PLAGL1: variants seen among roughly 807,000 people sequenced by gnomAD.
PLAGL1 encodes the protein zinc finger protein PLAGL1.
PLAGL1 carries 1 observed loss-of-function variant against 4.6 expected under a neutral mutation model. The ratio of observed to expected loss-of-function variants is 0.22; its 90% CI spans 0.08 to 1.03. The LOEUF is 1.03. Among genes scored for constraint, PLAGL1 ranks in the 50% least tolerant of loss-of-function variants. The pLI, the probability that PLAGL1 is intolerant of heterozygous loss-of-function variation, is 0.58. For synonymous variants in PLAGL1, 240 were observed against 237.8 expected (o/e 1.01, Z -0.08); for missense variants, 464 against 570.4 (o/e 0.81, Z 1.90).
rs1000631647 is a variant in PLAGL1 at position 143,955,605 on chromosome 6, C to T, written c.-325+4864G>A. On this transcript the variant is annotated intron_variant, in intron 6 of 7. Transcript: ENST00000674357. The surrounding 1 kb of genome is among the most constrained non-coding windows in gnomAD (Gnocchi z 4.9). ...TGTGATTGTGAGCCTCAAAGGGCCA[C>T]AGAAAACTGACAAAACCAAACTACC... 1.3e-5 allele frequency among the ~76,000 whole-genome samples: 2 copies of T among 152,068 alleles called. No homozygotes were observed. The highest frequency in any genetic ancestry group is 4.8e-5 in the African/African-American group (2 of 41,388).
In PLAGL1 at chr6:143,997,001, C is replaced by T. The variant is rs1411125789; in HGVS notation, c.-584+11089G>A. On this transcript the variant is annotated intron_variant, in intron 1 of 7. Coordinates refer to ENST00000674357, the MANE Select transcript of PLAGL1 (RefSeq NM_001317162.2). The surrounding 1 kb of genome is among the most constrained non-coding windows in gnomAD (Gnocchi z 4.6). ...GGACAAAAGACAAACCACTAAAAAC[C>T]CGATAAACTGGATTTCATTAAGACA... Among the ~76,000 whole-genome samples the T allele has an allele frequency of 6.6e-6, 1 of 152,020 alleles. No individual in the cohort carries two copies. Among genetic ancestry groups the T allele is most frequent in the East Asian group, 1.9e-4 (1 of 5,200 alleles).
In PLAGL1 at chr6:143,966,519, G is replaced by T. The variant is rs1784446984; in HGVS notation, c.-471-321C>A. 1 of 152,108 alleles carries T rather than the reference G, an allele frequency of 6.6e-6. No individual in the cohort carries two copies. Among genetic ancestry groups the T allele is most frequent in the Non-Finnish European group, 1.5e-5 (1 of 68,006 alleles). The allele number at this position is 152,108 out of a possible 1,614,324, so 9.4% of individuals were successfully genotyped here. A position where few individuals can be genotyped will look rare whatever the true frequency, so the allele number is the denominator to read the frequency against. On this transcript the variant is annotated intron_variant, in intron 3 of 7. Coordinates refer to ENST00000674357, the MANE Select transcript of PLAGL1 (RefSeq NM_001317162.2). This position sits in a 1 kb window ranked among gnomAD's most constrained non-coding sequence, Gnocchi z 6.0. ...TTTGTGCACTCTGATTTGAATATGT[G>T]GGGCAAATGAGAACCATTTTAGGGA...
intron 7 of PLAGL1, among the ~76,000 whole-genome samples, chr6:143,944,275 C>T (rs944391442): frequency 6.6e-6 from 1 of 152,134 alleles, no homozygotes; most frequent in Non-Finnish European, 1.5e-5. Context: ...ACTGTTTATT[C>T]CTGCCCCTTT....
At position 143,990,564 on chromosome 6, in the gene PLAGL1, T is replaced by G. The variant is rs1562511813; in HGVS notation, c.-583-5390A>C. Among the ~76,000 whole-genome samples the G allele has an allele frequency of 1.3e-5, 2 of 152,108 alleles. No individual in the cohort carries two copies. Among genetic ancestry groups the G allele is most frequent in the African/African-American group, 4.8e-5 (2 of 41,408 alleles). On this transcript the variant is annotated intron_variant, in intron 1 of 7. Coordinates refer to ENST00000674357, the MANE Select transcript of PLAGL1 (RefSeq NM_001317162.2). The surrounding 1 kb of genome is among the most constrained non-coding windows in gnomAD (Gnocchi z 5.4). ...ACCTCCCACTCACTTTCCAACCCAT[T>G]CCCCAGGCTCTTATCTCTACCACTC... is the stretch of plus-strand genomic sequence containing the variant.
rs748909468 is a variant in PLAGL1 at position 143,950,185 on chromosome 6, C to T, written c.-324-1725G>A. ...AAACCAGGGGACACACAGGAGTCCT[C>T]GGCCAGCACCTTGGCACCACACCTT... On this transcript the variant is annotated intron_variant, in intron 6 of 7. Transcript: ENST00000674357. This position sits in a 1 kb window ranked among gnomAD's most constrained non-coding sequence, Gnocchi z 6.3. Among the ~76,000 whole-genome samples, 5 of 152,256 alleles carry T rather than the reference C, an allele frequency of 3.3e-5. No individual in the cohort carries two copies. In the South Asian group the frequency reaches 8.3e-4, roughly 25 times the overall value.
rs562519695 is a variant in PLAGL1, at chr6:144,013,442, A to G, written c.-150-44464T>C. 6.6e-6 allele frequency among the ~76,000 whole-genome samples: 1 copy of G among 152,236 alleles called. No homozygotes were observed. Among genetic ancestry groups the G allele is most frequent in the Non-Finnish European group, 1.5e-5 (1 of 68,036 alleles). ...ATCCTGAAAAAAATGACAACTAGGA[A>G]TGGAATGGAACTTCCTTAGCCAGAT... On this transcript the variant is annotated intron_variant, in intron 1 of 3. Coordinates refer to the PLAGL1 transcript ENST00000437412. The surrounding 1 kb of genome is among the most constrained non-coding windows in gnomAD (Gnocchi z 4.4).
At chr6:144,017,502 C>T (rs931975616) in intron 1 of PLAGL1, among the ~76,000 whole-genome samples, 12 of 152,234 alleles carry the variant, frequency 7.9e-5, no homozygotes, top group Non-Finnish European at 1.2e-4. Flanking sequence ...AAGGTGAAGT[C>T]TGGCACCTCT....
At position 143,951,235 on chromosome 6, in the gene PLAGL1, C is replaced by G. The variant is rs1055911554; in HGVS notation, c.-324-2775G>C. Among the ~76,000 whole-genome samples the G allele has an allele frequency of 5.9e-5, 9 of 152,288 alleles. No individual in the cohort carries two copies. In the East Asian group the frequency reaches 1.7e-3, roughly 29 times the overall value. On this transcript the variant is annotated intron_variant, in intron 6 of 7. Transcript: ENST00000674357. ...AAGCACACTGTAACCTAAATAAACACCCTACAAATAGGCAGTATTTATGAA... is the reference window on the plus strand; with the variant it reads ...AAGCACACTGTAACCTAAATAAACAGCCTACAAATAGGCAGTATTTATGAA...
At chr6:143,993,509 C>T (rs1276470309) in intron 1 of PLAGL1, among the ~76,000 whole-genome samples, 1 of 152,044 alleles carries the variant, frequency 6.6e-6, no homozygotes, top group African/African-American at 2.4e-5. Context: ...TTTGCAACTA[C>T]AAAAACTAAC....
rs961022281 is a variant in PLAGL1 at position 143,972,410 on chromosome 6, G to A, written c.-543-3432C>T. Among the ~76,000 whole-genome samples, 1 of 152,138 alleles carries A rather than the reference G, an allele frequency of 6.6e-6. No individual in the cohort carries two copies. Among genetic ancestry groups the A allele is most frequent in the Admixed American group, 6.5e-5 (1 of 15,276 alleles). The stretch of plus-strand genomic sequence containing the variant: ...GCAAGTGAGGGGAGATGTGAAAGAA[G>A]GTATCTCAGAGATGTTTCCTTGTGA... On this transcript the variant is annotated intron_variant, in intron 2 of 7. Coordinates refer to ENST00000674357, the MANE Select transcript of PLAGL1 (RefSeq NM_001317162.2). This position sits in a 1 kb window ranked among gnomAD's most constrained non-coding sequence, Gnocchi z 6.8.
rs114058312 is a variant in PLAGL1, at chr6:144,003,832, G to A, written c.-584+4258C>T. ...ATAGCTGATTAAGATATTTTAAGATGTTCAACATTATTAGTGTTTATGGAA... is the reference window on the plus strand; with the variant it reads ...ATAGCTGATTAAGATATTTTAAGATATTCAACATTATTAGTGTTTATGGAA... On this transcript the variant is annotated intron_variant, in intron 1 of 7. Transcript: ENST00000674357. 6.3e-3 allele frequency among the ~76,000 whole-genome samples: 962 copies of A among 152,266 alleles called. 11 individuals carry two copies. The highest frequency in any genetic ancestry group is 0.022 in the African/African-American group (903 of 41,540).
At position 143,971,363 on chromosome 6, in the gene PLAGL1, T is replaced by C. The variant is rs1785395571; in HGVS notation, c.-543-2385A>G. ...TAAGTTTCCTTAAAAATAATCTTGG[T>C]AGTGAACATAAAACAAAAATAACAT... On this transcript the variant is annotated intron_variant, in intron 2 of 7. Transcript: ENST00000674357. The surrounding 1 kb of genome is among the most constrained non-coding windows in gnomAD (Gnocchi z 4.7). Among the ~76,000 whole-genome samples the C allele has an allele frequency of 6.6e-6, 1 of 152,182 alleles. No homozygotes were observed.
At position 143,942,814 on chromosome 6, in the gene PLAGL1, C is replaced by CT. The variant is rs963047642; in HGVS notation, c.153-152dup. The CT allele has an allele frequency of 5.0e-6, 3 of 604,342 alleles. No individual in the cohort carries two copies. Among genetic ancestry groups the CT allele is most frequent in the Non-Finnish European group, 5.6e-6 (2 of 359,594 alleles). 37.4% of individuals were successfully genotyped at this position (604,342 alleles called of 1,614,324 possible). On this transcript the variant is annotated intron_variant, in intron 7 of 7. Transcript: ENST00000674357. The surrounding 1 kb of genome is among the most constrained non-coding windows in gnomAD (Gnocchi z 7.6). ...TTCATATATTTTCCAAATATATAAA[C>CT]TTTTATAATTAAGAAAAGCAAGCAA... is the stretch of plus-strand genomic sequence containing the variant.
intron 1 of PLAGL1, among the ~76,000 whole-genome samples, chr6:144,062,219 T>C (rs1167327144): frequency 1.2e-4 from 18 of 151,886 alleles, no homozygotes; most frequent in Admixed American, 1.1e-3. Context: ...CTACTAAAAA[T>C]ACAAAAACTT....
intron 1 of PLAGL1, among the ~76,000 whole-genome samples, chr6:144,058,194 G>C (rs1199357775): frequency 1.3e-5 from 2 of 152,178 alleles, no homozygotes; most frequent in East Asian, 1.9e-4. Flanking sequence ...ATGGCAGAAG[G>C]TGACAGGGAC....
Position 143,952,263 on chromosome 6 carries a change from T to C in PLAGL1, c.-324-3803A>G, listed in dbSNP as rs915027305. Among the ~76,000 whole-genome samples, 12 of 152,220 alleles carry C rather than the reference T, an allele frequency of 7.9e-5. No individual in the cohort carries two copies. The highest frequency in any genetic ancestry group is 2.9e-4 in the African/African-American group (12 of 41,456). On this transcript the variant is annotated intron_variant, in intron 6 of 7. Coordinates refer to ENST00000674357, the MANE Select transcript of PLAGL1 (RefSeq NM_001317162.2). This position sits in a 1 kb window ranked among gnomAD's most constrained non-coding sequence, Gnocchi z 6.1. ...CTTAAAACAATTTATGACAACTTTC[T>C]ATTATCTGGCAGGCCACCAACGATC... is the stretch of plus-strand genomic sequence containing the variant.
upstream of PLAGL1, among the ~76,000 whole-genome samples, chr6:144,010,636 C>G (rs972825112): frequency 3.3e-5 from 5 of 152,106 alleles, no homozygotes; most frequent in Non-Finnish European, 5.9e-5. The surrounding 1 kb of genome is among the most constrained non-coding windows in gnomAD (Gnocchi z 4.1). Flanking sequence ...AAAAAGAGCC[C>G]GTATAGCCAA....
chr6:144,052,455 A>G (rs1798644092), intron 1 of PLAGL1, among the ~76,000 whole-genome samples: 1 of 152,198 alleles, frequency 6.6e-6, no homozygotes, highest in Non-Finnish European at 1.5e-5. Context: ...TTTTGTAGAG[A>G]TCTAATTTTT....
upstream of PLAGL1, among the ~76,000 whole-genome samples, chr6:144,010,728 A>C (rs1795115197): frequency 6.6e-6 from 1 of 152,196 alleles, no homozygotes; most frequent in African/African-American, 2.4e-5. This position sits in a 1 kb window ranked among gnomAD's most constrained non-coding sequence, Gnocchi z 4.1. Flanking sequence ...CAGTAACCAA[A>C]ACTGCATGGT....
Sources: gnomAD v4.1 joint callset for allele counts (sites outside exome capture counted in the v4.1 genomes callset) on GRCh38, gnomAD v4.1.1 for gene constraint, Gnocchi (gnomAD v3.1) non-coding constraint, MANE v1.5 for transcripts, NCBI Gene and HGNC (gene_info 2026-07-23, HGNC 2026-07-21) for gene names.